The following SIRT3 variants were observed in gnomAD, a reference collection of about 807,000 sequenced individuals.
The protein encoded by SIRT3 is NAD-dependent protein deacetylase sirtuin-3, mitochondrial.
In SIRT3, 26 loss-of-function variants were observed where a neutral mutation model predicts 33.5. That is an observed-to-expected ratio of 0.78 (90% confidence interval 0.57 to 1.08). SIRT3 has a LOEUF of 1.08. Among genes scored for constraint, SIRT3 ranks in the 50% least tolerant of loss-of-function variants. The pLI, the probability that SIRT3 is intolerant of heterozygous loss-of-function variation, is 0.00. For synonymous variants in SIRT3, 237 were observed against 222.1 expected (o/e 1.07, Z -0.60); for missense variants, 585 against 530.1 (o/e 1.10, Z -1.02).
chr11:226,760 T>A (rs563107), intron 4 of SIRT3, among the ~76,000 whole-genome samples: 5 of 142,026 alleles, frequency 3.5e-5, no homozygotes, highest in South Asian at 2.1e-4. Flanking sequence ...TATTATTATT[T>A]TTTTTTTTTT....
At chr11:221,347 G>C (rs1590120761) in intron 5 of SIRT3, among the ~76,000 whole-genome samples, 1 of 152,198 alleles carries the variant, frequency 6.6e-6, no homozygotes, top group South Asian at 2.1e-4. Flanking sequence ...CTAGCTTCAG[G>C]CAATCTTCCT....
intron 5 of SIRT3, chr11:222,991 A>T (rs1856637940): frequency 1.3e-5 from 2 of 152,138 alleles, no homozygotes; most frequent in Non-Finnish European, 1.5e-5. Context: ...TTACACTGAC[A>T]TCTGACCGTG....
chr11:225,449 CTATT>C (rs1343617252), intron 4 of SIRT3, among the ~76,000 whole-genome samples: 2 of 151,954 alleles, frequency 1.3e-5, no homozygotes, highest in African/African-American at 4.8e-5. Context: ...AAAAAACTAT[CTATT>C]AAAGATATAA....
intron 4 of SIRT3, among the ~76,000 whole-genome samples, chr11:225,419 A>T (rs946905752): frequency 5.6e-4 from 60 of 106,926 alleles, no homozygotes; most frequent in African/African-American, 1.6e-3. Context: ...CTCAAAAAAC[A>T]AAACAAAACA....
At chr11:221,097 G>C (rs1384005015) in intron 5 of SIRT3, among the ~76,000 whole-genome samples, 1 of 152,158 alleles carries the variant, frequency 6.6e-6, no homozygotes, top group Non-Finnish European at 1.5e-5. Context: ...AGGAGTACTT[G>C]CATGAGTAGA....
chr11:221,553 T>C (rs1452490895), intron 5 of SIRT3, among the ~76,000 whole-genome samples: 1 of 152,258 alleles, frequency 6.6e-6, no homozygotes, highest in Non-Finnish European at 1.5e-5. Context: ...ATTTTTGAGA[T>C]TTTAGAAAAG....
upstream of SIRT3, chr11:236,849 C>A (rs1859231392): frequency 1.5e-5 from 9 of 596,164 alleles, no homozygotes; most frequent in South Asian, 1.8e-4. Context: ...GGGAAGTGGG[C>A]TGCAAACGCC....
chr11:236,135 C>T lies in SIRT3; in HGVS notation c.194G>A (p.Arg65His), dbSNP rs1374461500. ...GARGEPLDPA[R>H]PLQRPPRPEV... ...GGGTCTGGGAGGCCTCTGCAAGGGG[C>T]GCGCCGGGTCCAAGGGCTCACCGCG... The change falls in exon 1 of 7, where the codon CGC becomes CAC. Residue 65 changes from arginine to histidine, a missense_variant. Transcript: ENST00000382743. The T allele has an allele frequency of 4.4e-6, 7 of 1,574,958 alleles. No homozygotes were observed.
Position 233,398 on chromosome 11 carries a change from C to G in SIRT3, c.418G>C (p.Val140Leu), listed in dbSNP as rs1032259995. 3 of 1,614,130 alleles carry G rather than the reference C, an allele frequency of 1.9e-6. No individual in the cohort carries two copies. Among genetic ancestry groups the G allele is most frequent in the Non-Finnish European group, 2.5e-6 (3 of 1,180,008 alleles). Residue 140 changes from valine (V) to leucine (L), a missense_variant, in exon 2 of 7, where the codon GTG becomes CTG. Transcript: ENST00000382743. ...ATGCCGGCCCCCACCATGACCACCA[C>G]CCTCTGGCAGGCTCTGGCCCGAATC... ...ELIRARACQR[V>L]VVMVGAGIST...
At chr11:221,403 GC>G (rs975496060) in intron 5 of SIRT3, among the ~76,000 whole-genome samples, 3 of 152,168 alleles carry the variant, frequency 2.0e-5, no homozygotes, top group African/African-American at 7.2e-5. Context: ...GAGCCACGGT[GC>G]CTGGCCCAGC....
At position 216,576 on chromosome 11, in the gene SIRT3, T is replaced by G. The variant is rs1590084239; in HGVS notation, c.*122A>C. 9.4e-7 allele frequency: 1 copy of G among 1,060,540 alleles called. No individual in the cohort carries two copies. Among genetic ancestry groups the G allele is most frequent in the Non-Finnish European group, 1.5e-6 (1 of 688,758 alleles). The allele number at this position is 1,060,540 out of a possible 1,614,324, so 65.7% of individuals were successfully genotyped here. A position where few individuals can be genotyped will look rare whatever the true frequency, so the allele number is the denominator to read the frequency against. ...GACATTCCAGTGGCAGCCTCGGGTG[T>G]CCACTCAGTTCACATATTCTGGTTT... On this transcript the variant is annotated 3_prime_UTR_variant, in exon 7 of 7. Coordinates refer to ENST00000382743, the MANE Select transcript of SIRT3 (RefSeq NM_012239.6).
At chr11:227,283 C>G (rs1027194384) in intron 4 of SIRT3, among the ~76,000 whole-genome samples, 1 of 151,114 alleles carries the variant, frequency 6.6e-6, no homozygotes, top group Non-Finnish European at 1.5e-5. Flanking sequence ...ACTAAAAATA[C>G]AAAAATTAGC....
At chr11:230,182 A>G (rs1190692161) in intron 4 of SIRT3, among the ~76,000 whole-genome samples, 4 of 146,704 alleles carry the variant, frequency 2.7e-5, no homozygotes, top group Non-Finnish European at 5.9e-5. Flanking sequence ...ACTGCACTCC[A>G]GCCTGGGCGA....
At chr11:227,858 G>A (rs896054884) in intron 4 of SIRT3, among the ~76,000 whole-genome samples, 4 of 152,152 alleles carry the variant, frequency 2.6e-5, no homozygotes, top group African/African-American at 9.7e-5. Flanking sequence ...CCCACCTCAG[G>A]TGACCCGCCT....
chr11:221,882 G>A (rs490308), intron 5 of SIRT3, among the ~76,000 whole-genome samples: 3,828 of 109,988 alleles, frequency 0.035, 108 homozygotes, highest in African/African-American at 0.079. Context: ...CCATCTGTAC[G>A]TATGCATTTG....
rs750694529 is a variant in SIRT3, at chr11:236,339, G to A, written c.-11C>T. 9 of 1,357,208 alleles carry A rather than the reference G, an allele frequency of 6.6e-6. No individual in the cohort carries two copies. The highest frequency in any genetic ancestry group is 1.6e-5 in the African/African-American group (1 of 62,974). 84.1% of individuals were successfully genotyped at this position (1,357,208 alleles called of 1,614,324 possible). A position where few individuals can be genotyped will look rare whatever the true frequency, so the allele number is the denominator to read the frequency against. On this transcript the variant is annotated 5_prime_UTR_variant, in exon 1 of 7. Coordinates refer to ENST00000382743, the MANE Select transcript of SIRT3 (RefSeq NM_012239.6). Reference sequence around the variant, plus strand: ...ACCCCAGAACGCCATGTTCCGCGCAGTCCAAGGAGTCCTCCGGACTCGCCC... The same window carrying A: ...ACCCCAGAACGCCATGTTCCGCGCAATCCAAGGAGTCCTCCGGACTCGCCC...
chr11:224,315 T>C, intron 4 of SIRT3, 76 bp from the exon 5 acceptor site: 1 of 1,469,324 alleles, frequency 6.8e-7, no homozygotes, highest in Non-Finnish European at 9.2e-7. Context: ...AAGTTCTTAT[T>C]AAAGTCTCAA....
Position 236,330 on chromosome 11 carries a change from T to G in SIRT3, c.-2A>C. 1 of 1,470,148 alleles carries G rather than the reference T, an allele frequency of 6.8e-7. No homozygotes were observed. 91.1% of individuals were successfully genotyped at this position (1,470,148 alleles called of 1,614,324 possible). Reference sequence around the variant, plus strand: ...GGCGCGCCAACCCCAGAACGCCATGTTCCGCGCAGTCCAAGGAGTCCTCCG... The same window carrying G: ...GGCGCGCCAACCCCAGAACGCCATGGTCCGCGCAGTCCAAGGAGTCCTCCG... On this transcript the variant is annotated 5_prime_UTR_variant, in exon 1 of 7. Transcript: ENST00000382743.
intron 6 of SIRT3, 26 bp downstream of exon 6, chr11:218,806 G>A: frequency 6.2e-7 from 1 of 1,614,094 alleles, no homozygotes; most frequent in Non-Finnish European, 8.5e-7. Flanking sequence ...GCAGCCCCTT[G>A]GATGGTCCTC....
Sources: allele counts gnomAD v4.1 joint callset (sites outside exome capture counted in the v4.1 genomes callset), GRCh38; gene constraint gnomAD v4.1.1; transcripts MANE v1.5; gene names NCBI Gene and HGNC (gene_info 2026-07-23, HGNC 2026-07-21).